The following NRDE2 variants were observed in gnomAD, a reference collection of about 807,000 sequenced individuals.
The protein encoded by NRDE2 is nuclear exosome regulator NRDE2.
A neutral mutation model predicts 124.2 loss-of-function variants in NRDE2; 76 were observed. That is an observed-to-expected ratio of 0.61 (90% CI 0.51 to 0.74). The LOEUF (loss-of-function observed/expected upper bound fraction) is 0.74. Ranked by LOEUF, NRDE2 falls within the 30% of genes least tolerant of loss-of-function variation. The pLI is 0.00. For synonymous variants in NRDE2, 489 were observed against 528.1 expected (o/e 0.93, Z 1.01); for missense variants, 1,314 against 1,417.3 (o/e 0.93, Z 1.17).
chr14:90,296,758 T>G (rs1362630562), intron 8 of NRDE2, among the ~76,000 whole-genome samples: 3 of 149,374 alleles, frequency 2.0e-5, no homozygotes, highest in African/African-American at 7.3e-5. Flanking sequence ...GGAACTGCCT[T>G]TCGGGGAGTG....
At chr14:90,316,136 G>C (rs768651365) in intron 3 of NRDE2, among the ~76,000 whole-genome samples, 1 of 152,110 alleles carries the variant, frequency 6.6e-6, no homozygotes, top group East Asian at 1.9e-4. Context: ...TAAGTGCTAC[G>C]TTAATCTTAA....
chr14:90,323,449 GT>G (rs1192335917), intron 1 of NRDE2, among the ~76,000 whole-genome samples: 1 of 152,166 alleles, frequency 6.6e-6, no homozygotes, highest in Non-Finnish European at 1.5e-5. Context: ...CTGATTACTA[GT>G]TTGTTTAAGT....
At chr14:90,321,549 TAAAA>T (rs1012195271) in intron 1 of NRDE2, among the ~76,000 whole-genome samples, 1 of 108,812 alleles carries the variant, frequency 9.2e-6, no homozygotes, top group African/African-American at 3.4e-5. Context: ...CCAGCTCTAT[TAAAA>T]AAAAAAAAAA....
intron 8 of NRDE2, among the ~76,000 whole-genome samples, chr14:90,293,733 C>T (rs1892336632): frequency 6.6e-6 from 1 of 152,136 alleles, no homozygotes; most frequent in African/African-American, 2.4e-5. Flanking sequence ...CTAGAACTTG[C>T]CTTTAAAAAA....
rs1473398688 is a variant in NRDE2 at position 90,288,337 on chromosome 14, C to T, written c.3038G>A (p.Ser1013Asn). 3 of 1,614,220 alleles carry T rather than the reference C, an allele frequency of 1.9e-6. No individual in the cohort carries two copies. The highest frequency in any genetic ancestry group is 1.6e-4 in the Middle Eastern group (1 of 6,062). Residue 1013 changes from serine to asparagine, a missense_variant, in exon 11 of 14, where the codon AGT (serine) becomes AAT (asparagine). Transcript: ENST00000354366. ...AAAAAATCTCCTGGTTTTGCTGGCA[C>T]TGTGGGACTTATTCTGAATCTGTAC... ...SYVQIQNKSHSASKTRRFFDT... is the reference protein window; with the variant it reads ...SYVQIQNKSHNASKTRRFFDT...
At position 90,312,672 on chromosome 14, in the gene NRDE2, C is replaced by T. The variant is rs960245187; in HGVS notation, c.408-129G>A. 4 of 824,332 alleles carry T rather than the reference C, an allele frequency of 4.9e-6. No homozygotes were observed. In the Admixed American group the frequency reaches 8.5e-5, roughly 17 times the overall value. The allele number at this position is 824,332 out of a possible 1,614,324, so 51.1% of individuals were successfully genotyped here. On this transcript the variant is annotated intron_variant, in intron 3 of 13. Transcript: ENST00000354366. ...ACATGGCATCAAACACACCTAAGCA[C>T]ATTAAATGTACATGTGCCACAGAGA...
In NRDE2 at chr14:90,286,453, G is replaced by T. The variant is rs148200991; in HGVS notation, c.3198C>A (p.Thr1066=). 599 of 1,613,972 alleles carry T rather than the reference G, an allele frequency of 3.7e-4. No individual in the cohort carries two copies. Among genetic ancestry groups the T allele is most frequent in the Non-Finnish European group, 4.8e-4 (570 of 1,180,002 alleles). Residue 1066 remains threonine, a synonymous_variant, in exon 12 of 14, where the codon ACC becomes ACA. Transcript: ENST00000354366. ...GREIHATIPE[T]GLMHRIQALF... is the part of the protein sequence containing the mutation. ...GGGCTTGGATCCGATGCATTAAGCC[G>T]GTCTCAGGAATTGTGGCGTGGATCT...
chr14:90,269,321 T>A lies in NRDE2; in HGVS notation c.*9015A>T, dbSNP rs1891600016. The A allele has an allele frequency of 7.7e-7, 1 of 1,293,444 alleles. No individual in the cohort carries two copies. Among genetic ancestry groups the A allele is most frequent in the African/African-American group, 1.5e-5 (1 of 67,110 alleles). 80.1% of individuals were successfully genotyped at this position (1,293,444 alleles called of 1,614,324 possible). A position where few individuals can be genotyped will look rare whatever the true frequency, so the allele number is the denominator to read the frequency against. On this transcript the variant is annotated 3_prime_UTR_variant, in exon 14 of 14. Coordinates refer to ENST00000354366, the MANE Select transcript of NRDE2 (RefSeq NM_017970.4). ...TGTTTGTTAAGGTGTTTTGTCACAA[T>A]GAGGTCTTTGCTGTAATTCCCCTTG...
chr14:90,298,306 C>A lies in NRDE2; in HGVS notation c.1620G>T (p.Ala540=). The change falls in exon 8 of 14, where the codon GCG becomes GCT. Residue 540 remains alanine (A), a synonymous_variant. Transcript: ENST00000354366. ...AGEKGARGWK[A]WMHQQERGGW... ...CACCTCGTTCCTGCTGGTGCATCCACGCCTTCCAGCCTCGGGCTCCCTTCT... is the reference window on the plus strand; with the variant it reads ...CACCTCGTTCCTGCTGGTGCATCCAAGCCTTCCAGCCTCGGGCTCCCTTCT... 1.2e-6 allele frequency: 2 copies of A among 1,613,710 alleles called. No homozygotes were observed. Among genetic ancestry groups the A allele is most frequent in the Non-Finnish European group, 1.7e-6 (2 of 1,179,968 alleles).
intron 10 of NRDE2, 80 bp downstream of exon 10, chr14:90,290,141 T>C: frequency 1.4e-6 from 2 of 1,465,946 alleles, no homozygotes; most frequent in Non-Finnish European, 1.9e-6. Context: ...GGGAGAGCAC[T>C]CGGAGGCTTA....
chr14:90,321,366 C>T (rs934495609), intron 1 of NRDE2, among the ~76,000 whole-genome samples: 2 of 151,816 alleles, frequency 1.3e-5, no homozygotes, highest in African/African-American at 2.4e-5. Flanking sequence ...CTGTGCCAGG[C>T]TTTTGAGGAT....
intron 4 of NRDE2, among the ~76,000 whole-genome samples, chr14:90,305,358 A>T (rs762810263): frequency 3.3e-5 from 5 of 152,248 alleles, no homozygotes; most frequent in Admixed American, 6.5e-5. Flanking sequence ...TTGGGAAAAG[A>T]TCTGGCTGTT....
rs145066952 is a variant in NRDE2, at chr14:90,314,997, A to T, written c.407+1581T>A. On this transcript the variant is annotated intron_variant, in intron 3 of 13. Transcript: ENST00000354366. ...ATCGAGACCAGCCTGGCCAACATGG[A>T]AAAACCCCGTCTCTACTAAAAACAC... Among the ~76,000 whole-genome samples, 162 of 151,554 alleles carry T rather than the reference A, an allele frequency of 1.1e-3. 2 individuals carry two copies. The highest frequency in any genetic ancestry group is 3.7e-3 in the African/African-American group (154 of 41,304).
chr14:90,318,168 G>A (rs1885116583), intron 1 of NRDE2, 55 bp from the exon 2 acceptor site: 3 of 1,372,462 alleles, frequency 2.2e-6, no homozygotes, highest in Admixed American at 3.6e-5. Context: ...TGATTCTAAA[G>A]CAGGAGATCT....
Position 90,278,027 on chromosome 14 carries a change from C to T in NRDE2, c.*309G>A. ...TGCGGGGGCCAGTGCTGGCTGCGCA[C>T]AGGGAGAGAATGAGCAAGGACGCTG... is the stretch of plus-strand genomic sequence containing the variant. On this transcript the variant is annotated 3_prime_UTR_variant, in exon 14 of 14. Transcript: ENST00000354366. The T allele has an allele frequency of 4.1e-6, 1 of 242,634 alleles. No individual in the cohort carries two copies. Among genetic ancestry groups the T allele is most frequent in the South Asian group, 6.0e-5 (1 of 16,636 alleles). 15.0% of individuals were successfully genotyped at this position (242,634 alleles called of 1,614,324 possible). A position where few individuals can be genotyped will look rare whatever the true frequency, so the allele number is the denominator to read the frequency against.
At chr14:90,302,655 T>C in intron 6 of NRDE2, 65 bp downstream of exon 6, 1 of 1,436,792 alleles carries the variant, frequency 7.0e-7, no homozygotes, top group Non-Finnish European at 9.4e-7. Context: ...TAGATCTTCA[T>C]TTTCAAGTAA....
In NRDE2 at chr14:90,312,445, G is replaced by T. The variant is rs2139701415; in HGVS notation, c.506C>A (p.Pro169Gln). 1.9e-6 allele frequency: 3 copies of T among 1,614,056 alleles called. No individual in the cohort carries two copies. Among genetic ancestry groups the T allele is most frequent in the Non-Finnish European group, 1.7e-6 (2 of 1,179,988 alleles). ...CTTGTACTCCCAGTTCGCAGGATCT[G>T]GTTTCTTATCTGTTCTGAAGGTTTC... ...TGETFRTDKK[P>Q]DPANWEYKSL... The change falls in exon 4 of 14, where the codon CCA (proline) becomes CAA (glutamine). Residue 169 changes from proline to glutamine, a missense_variant. Physicochemically the swap from Pro to Gln is moderately conservative, Grantham distance 76 (BLOSUM62 -1). Coordinates refer to ENST00000354366, the MANE Select transcript of NRDE2 (RefSeq NM_017970.4).
Position 90,268,529 on chromosome 14 carries a change from G to A in NRDE2, c.*9807C>T. On this transcript the variant is annotated 3_prime_UTR_variant, in exon 14 of 14. Coordinates refer to ENST00000354366, the MANE Select transcript of NRDE2 (RefSeq NM_017970.4). ...TATGGCCACAGTTCTTGCTGTGCGTGGCCTTCCATGCATGCTTTAGGCTCT... is the reference window on the plus strand; with the variant it reads ...TATGGCCACAGTTCTTGCTGTGCGTAGCCTTCCATGCATGCTTTAGGCTCT... 2 of 984,512 alleles carry A rather than the reference G, an allele frequency of 2.0e-6. No individual in the cohort carries two copies. The highest frequency in any genetic ancestry group is 1.5e-5 in the South Asian group (1 of 64,690). 61.0% of individuals were successfully genotyped at this position (984,512 alleles called of 1,614,324 possible). A position where few individuals can be genotyped will look rare whatever the true frequency, so the allele number is the denominator to read the frequency against.
In NRDE2 at chr14:90,329,552, G is replaced by A. The variant is rs182715687; in HGVS notation, c.64+2289C>T. Among the ~76,000 whole-genome samples, 1,243 of 151,892 alleles carry A rather than the reference G, an allele frequency of 8.2e-3. 11 individuals are homozygous for A. The highest frequency in any genetic ancestry group is 0.02 in the Middle Eastern group (6 of 294). ...CTGTCCCTACTTAAGAAAAAAAAAA[G>A]TAGGCTGGGTACGTTGGCTCACACC... is the stretch of plus-strand genomic sequence containing the variant. On this transcript the variant is annotated intron_variant, in intron 1 of 13. Coordinates refer to ENST00000354366, the MANE Select transcript of NRDE2 (RefSeq NM_017970.4).
Sources: allele counts gnomAD v4.1 joint callset (sites outside exome capture counted in the v4.1 genomes callset), GRCh38; gene constraint gnomAD v4.1.1; transcripts MANE v1.5; gene names NCBI Gene and HGNC (gene_info 2026-07-23, HGNC 2026-07-21).